Variants in ANKS1B observed in about 807,000 individuals in gnomAD.
The protein encoded by ANKS1B is ankyrin repeat and sterile alpha motif domain containing 1B.
In ANKS1B, 36 loss-of-function variants were observed where a neutral mutation model predicts 148.3. That is an observed-to-expected ratio of 0.24 (90% CI 0.19 to 0.32). The LOEUF (loss-of-function observed/expected upper bound fraction) is 0.32. Among genes scored for constraint, ANKS1B ranks in the 10% least tolerant of loss-of-function variants. The pLI is 1.00. For synonymous variants in ANKS1B, 542 were observed against 560.8 expected (o/e 0.97, Z 0.47); for missense variants, 1,157 against 1,542.6 (o/e 0.75, Z 4.19).
chr12:99,799,344 G>C (rs75296085), intron 4 of ANKS1B, among the ~76,000 whole-genome samples: 1 of 151,988 alleles, frequency 6.6e-6, no homozygotes, highest in Non-Finnish European at 1.5e-5. Context: ...CTCCTCTGAG[G>C]CTAGCCTCTT....
In ANKS1B at chr12:99,800,235, G is replaced by A. The variant is rs911466540; in HGVS notation, c.669+6169C>T. 9.9e-5 allele frequency among the ~76,000 whole-genome samples: 15 copies of A among 151,852 alleles called. 1 individual carries two copies. Among genetic ancestry groups the A allele is most frequent in the Admixed American group, 5.9e-4 (9 of 15,202 alleles). ...ATCAGGGAACTCTCTCTCCATTCAC[G>A]CACAGAAGAAAGGCCGTGTGAGGAT... is the stretch of plus-strand genomic sequence containing the variant. On this transcript the variant is annotated intron_variant, in intron 4 of 26. Coordinates refer to ENST00000683438, the MANE Select transcript of ANKS1B (RefSeq NM_001352186.2).
intron 8 of ANKS1B, among the ~76,000 whole-genome samples, chr12:99,698,527 CAGACAGAAT>C (rs1368662594): frequency 6.6e-6 from 1 of 151,994 alleles, no homozygotes; most frequent in African/African-American, 2.4e-5. Context: ...GATTGAGGAA[CAGACAGAAT>C]TTGTGGCTGA....
intron 1 of ANKS1B, among the ~76,000 whole-genome samples, chr12:99,898,546 A>G (rs2093469478): frequency 6.6e-6 from 1 of 152,212 alleles, no homozygotes; most frequent in Non-Finnish European, 1.5e-5. Context: ...TTTAAAAGAA[A>G]AAAAGCCCTG....
chr12:99,196,947 G>A (rs2081459289), intron 14 of ANKS1B, among the ~76,000 whole-genome samples: 1 of 152,082 alleles, frequency 6.6e-6, no homozygotes, highest in Non-Finnish European at 1.5e-5. Context: ...AGAGGGCAGG[G>A]CCACAGATAA....
At chr12:99,827,700 A>C (rs1201704363) in intron 1 of ANKS1B, among the ~76,000 whole-genome samples, 1 of 152,220 alleles carries the variant, frequency 6.6e-6, no homozygotes, top group African/African-American at 2.4e-5. Flanking sequence ...ACATGCTACT[A>C]TATAACTATC....
At chr12:98,845,072 G>A (rs1032367940) in intron 17 of ANKS1B, among the ~76,000 whole-genome samples, 5 of 152,130 alleles carry the variant, frequency 3.3e-5, no homozygotes, top group African/African-American at 4.8e-5. Flanking sequence ...TTAGTTAAAC[G>A]TAGGAAGGGG....
At chr12:99,647,546 A>G (rs1477837090) in intron 9 of ANKS1B, among the ~76,000 whole-genome samples, 1 of 152,118 alleles carries the variant, frequency 6.6e-6, no homozygotes, top group Admixed American at 6.5e-5. Context: ...AATTTGCCAG[A>G]ATGCATTAAG....
At chr12:98,754,900 T>C (rs1314152845) in intron 25 of ANKS1B, among the ~76,000 whole-genome samples, 1 of 152,222 alleles carries the variant, frequency 6.6e-6, no homozygotes, top group Non-Finnish European at 1.5e-5. Context: ...CTGGTTCCGC[T>C]TACATTTTCC....
At chr12:99,046,081 G>A (rs2099962120) in intron 17 of ANKS1B, among the ~76,000 whole-genome samples, 1 of 152,150 alleles carries the variant, frequency 6.6e-6, no homozygotes, top group African/African-American at 2.4e-5. Context: ...TATTCAAATT[G>A]GGAAGCCCTG....
chr12:99,373,341 G>A (rs1231163511), intron 12 of ANKS1B, among the ~76,000 whole-genome samples: 10 of 152,058 alleles, frequency 6.6e-5, no homozygotes, highest in Non-Finnish European at 1.5e-4. Context: ...AATTGGGAGA[G>A]GAAAAAAGGA....
At chr12:99,293,695 C>T (rs1297538285) in intron 12 of ANKS1B, among the ~76,000 whole-genome samples, 1 of 151,986 alleles carries the variant, frequency 6.6e-6, no homozygotes, top group Non-Finnish European at 1.5e-5. Flanking sequence ...AGTTAAAAAG[C>T]TTCTGCAAAG....
At chr12:99,530,429 C>T (rs1007165919) in intron 9 of ANKS1B, among the ~76,000 whole-genome samples, 26 of 152,154 alleles carry the variant, frequency 1.7e-4, no homozygotes, top group African/African-American at 6.3e-4. Context: ...AGTCAGTTAA[C>T]TTCCCTGAGA....
intron 8 of ANKS1B, among the ~76,000 whole-genome samples, chr12:99,742,476 T>A (rs913618278): frequency 1.3e-5 from 2 of 152,148 alleles, no homozygotes; most frequent in African/African-American, 2.4e-5. Flanking sequence ...AATTTTTAAA[T>A]CTAAGTATGT....
chr12:99,680,392 G>A lies in ANKS1B; in HGVS notation c.1129-25182C>T, dbSNP rs144669057. Among the ~76,000 whole-genome samples, 359 of 151,878 alleles carry A rather than the reference G, an allele frequency of 2.4e-3. 20 individuals carry two copies. The East Asian group carries it at 0.062, about 26-fold the overall frequency. On this transcript the variant is annotated intron_variant, in intron 8 of 26. Coordinates refer to ENST00000683438, the MANE Select transcript of ANKS1B (RefSeq NM_001352186.2). ...GGAGGCAGAGGTTGCAGTGAGCCAC[G>A]ATCACGCCACTGCACACCAGGCTGT...
downstream of ANKS1B, among the ~76,000 whole-genome samples, chr12:98,740,037 C>T (rs1009602943): frequency 2.0e-5 from 3 of 152,040 alleles, no homozygotes; most frequent in East Asian, 1.9e-4. Flanking sequence ...TCTCTTTGGG[C>T]GACGCATACA....
At chr12:98,911,800 C>T (rs1392473221) in intron 17 of ANKS1B, among the ~76,000 whole-genome samples, 5 of 152,144 alleles carry the variant, frequency 3.3e-5, no homozygotes, top group African/African-American at 1.2e-4. Flanking sequence ...CCAAGCTCAC[C>T]CTGCCTAAGT....
intron 10 of ANKS1B, among the ~76,000 whole-genome samples, chr12:99,454,489 T>G (rs2095814062): frequency 6.6e-6 from 1 of 152,194 alleles, no homozygotes; most frequent in Admixed American, 6.5e-5. Flanking sequence ...CTCGAAGAGT[T>G]AGAGGACATC....
intron 19 of ANKS1B, among the ~76,000 whole-genome samples, chr12:98,816,875 C>T (rs1188639561): frequency 1.3e-5 from 2 of 151,918 alleles, no homozygotes; most frequent in Non-Finnish European, 2.9e-5. Flanking sequence ...CTATTAAGCT[C>T]TGGAAAGCTT....
chr12:98,974,465 T>C (rs1047924624), intron 17 of ANKS1B, among the ~76,000 whole-genome samples: 34 of 152,176 alleles, frequency 2.2e-4, no homozygotes, highest in Non-Finnish European at 1.5e-4. Context: ...TCAATAGGTA[T>C]TTAGATATTT....
Sources: gnomAD v4.1 joint callset for allele counts (sites outside exome capture counted in the v4.1 genomes callset) on GRCh38, gnomAD v4.1.1 for gene constraint, MANE v1.5 for transcripts, NCBI Gene and HGNC (gene_info 2026-07-23, HGNC 2026-07-21) for gene names.